Variants in OTOGL observed in about 807,000 individuals in gnomAD.
OTOGL encodes otogelin like, also known as otogelin-like protein.
In OTOGL, 285 loss-of-function variants were observed where a neutral mutation model predicts 318.5. That is an observed-to-expected ratio of 0.89 (90% CI 0.81 to 0.99). The LOEUF (loss-of-function observed/expected upper bound fraction) is 0.99. Ranked by LOEUF, OTOGL falls within the 50% of genes least tolerant of loss-of-function variation. The pLI is 0.00. For missense variants in OTOGL, 2,899 were observed against 2,845.6 expected, an observed-to-expected ratio of 1.02 and a Z score of -0.43; for synonymous variants, 987 against 936.5, an observed-to-expected ratio of 1.05 and a Z score of -0.99.
chr12:80,368,309 G>T lies in OTOGL; in HGVS notation c.6615G>T (p.Ala2205=), dbSNP rs764032652. The T allele has an allele frequency of 6.4e-7, 1 of 1,572,930 alleles. No homozygotes were observed. The highest frequency in any genetic ancestry group is 8.7e-7 in the Non-Finnish European group (1 of 1,153,100). The change falls in exon 55 of 59, where the codon GCG becomes GCT. Residue 2205 remains alanine (A), a splice_region_variant and synonymous_variant. Coordinates refer to ENST00000547103, the MANE Select transcript of OTOGL (RefSeq NM_001378609.3). ...HMENGTSVVY[A]VGSTWHYNCT... ...AAAATGGAACATCAGTTGTATACGC[G>T]GTATGTTTCATGGAGAGTAATGCTC...
chr12:80,113,794 G>T (rs146781033), intron 1 of OTOGL, among the ~76,000 whole-genome samples: 1 of 152,120 alleles, frequency 6.6e-6, no homozygotes, highest in African/African-American at 2.4e-5. Context: ...ATGAATCTGG[G>T]TGCTCCTGTA....
At chr12:80,327,958 CAAAAAAAAAAAA>C (rs397687373) in intron 35 of OTOGL, among the ~76,000 whole-genome samples, 11 of 30,928 alleles carry the variant, frequency 3.6e-4, no homozygotes, top group East Asian at 3.4e-3. Context: ...GACTCTGTCT[CAAAAAAAAAAAA>C]AAAAAAAAAA....
At chr12:80,250,947 T>C (rs1241961980) in intron 11 of OTOGL, among the ~76,000 whole-genome samples, 1 of 152,194 alleles carries the variant, frequency 6.6e-6, no homozygotes, top group Non-Finnish European at 1.5e-5. Context: ...GAAGTGATTA[T>C]AAGAAAATAA....
In OTOGL at chr12:80,377,186, G is replaced by A. The variant is rs1438196427; in HGVS notation, c.6845G>A (p.Cys2282Tyr). 1.2e-6 allele frequency: 2 copies of A among 1,605,812 alleles called. No homozygotes were observed. The highest frequency in any genetic ancestry group is 1.3e-5 in the African/African-American group (1 of 74,688). The change falls in exon 58 of 59, where the codon TGT becomes TAT. Residue 2282 changes from cysteine (C) to tyrosine (Y), a missense_variant. Around this residue, in one of 3 missense-constraint regions of OTOGL, gnomAD observed 289 missense variants for 304.6 expected, o/e 0.95. Transcript: ENST00000547103. ...IIKSVIRKQD[C>Y]MSQSPINVAS... ...AAATCGGTCATAAGGAAACAGGACT[G>A]TATGAGCCAAAGCCCTGTAAGTGGA...
intron 27 of OTOGL, among the ~76,000 whole-genome samples, chr12:80,302,242 C>A (rs1203141527): frequency 6.6e-6 from 1 of 152,200 alleles, no homozygotes; most frequent in Non-Finnish European, 1.5e-5. Context: ...GAACAAATTT[C>A]TCTCTTTTGC....
chr12:80,129,472 C>T (rs1871099859), intron 1 of OTOGL, among the ~76,000 whole-genome samples: 1 of 152,196 alleles, frequency 6.6e-6, no homozygotes, highest in East Asian at 1.9e-4. Context: ...GTCCCAGTCT[C>T]TTTTACAATA....
chr12:80,302,749 C>T lies in OTOGL; in HGVS notation c.3179C>T (p.Thr1060Ile), dbSNP rs1885848987. Residue 1060 changes from threonine (T) to isoleucine (I), a missense_variant, in exon 28 of 59, where the codon ACA becomes ATA. Physicochemically the swap from Thr to Ile is moderately conservative, Grantham distance 89. This residue lies in a region of OTOGL where 2,607 missense variants were observed against 2,524.9 expected (regional missense o/e 1.03). Coordinates refer to ENST00000547103, the MANE Select transcript of OTOGL (RefSeq NM_001378609.3). ...KDITILWDRK[T>I]TIHIKVGPQW... Reference sequence around the variant, plus strand: ...ATCACTATTCTTTGGGATAGGAAGACAACTATTCATATCAAAGTTGGGCCA... The same window carrying T: ...ATCACTATTCTTTGGGATAGGAAGATAACTATTCATATCAAAGTTGGGCCA... The T allele has an allele frequency of 2.6e-6, 4 of 1,531,776 alleles. No homozygotes were observed. The Admixed American group carries it at 7.6e-5, about 29-fold the overall frequency. 94.9% of individuals were successfully genotyped at this position (1,531,776 alleles called of 1,614,324 possible). A position where few individuals can be genotyped will look rare whatever the true frequency, so the allele number is the denominator to read the frequency against.
At chr12:80,130,036 C>CT (rs561168886) in intron 1 of OTOGL, among the ~76,000 whole-genome samples, 2 of 152,126 alleles carry the variant, frequency 1.3e-5, no homozygotes, top group South Asian at 2.1e-4. Flanking sequence ...TTTCTATCTC[C>CT]TTTTTTTTCT....
chr12:80,169,806 T>G (rs1347876832), intron 1 of OTOGL, among the ~76,000 whole-genome samples: 1 of 152,192 alleles, frequency 6.6e-6, no homozygotes, highest in Admixed American at 6.5e-5. Flanking sequence ...TTCTATCACT[T>G]AGCAGGACAC....
chr12:80,242,553 G>C (rs1380803040), intron 11 of OTOGL, among the ~76,000 whole-genome samples: 1 of 151,990 alleles, frequency 6.6e-6, no homozygotes, highest in Non-Finnish European at 1.5e-5. Flanking sequence ...CCTGTATTAG[G>C]GGACTGCATC....
chr12:80,330,013 A>T (rs1275790890), intron 37 of OTOGL, among the ~76,000 whole-genome samples: 1 of 152,178 alleles, frequency 6.6e-6, no homozygotes, highest in African/African-American at 2.4e-5. Context: ...GAGAAGAGGG[A>T]AATATGTTCC....
intron 1 of OTOGL, among the ~76,000 whole-genome samples, chr12:80,206,426 A>T (rs1042085573): frequency 6.6e-6 from 1 of 152,208 alleles, no homozygotes; most frequent in Non-Finnish European, 1.5e-5. Context: ...TGGATGGAAG[A>T]GGAGCAGAGA....
At chr12:80,244,127 A>G (rs1262737492) in intron 11 of OTOGL, among the ~76,000 whole-genome samples, 1 of 151,010 alleles carries the variant, frequency 6.6e-6, no homozygotes, top group Admixed American at 6.6e-5. Flanking sequence ...GATGGTATCT[A>G]AGAAGCTATG....
chr12:80,314,816 G>A (rs892098256), intron 32 of OTOGL, among the ~76,000 whole-genome samples: 5 of 152,052 alleles, frequency 3.3e-5, no homozygotes, highest in African/African-American at 1.2e-4. Flanking sequence ...AGGCCAATTA[G>A]CATATCCATC....
At chr12:80,128,398 G>T (rs981445805) in intron 1 of OTOGL, among the ~76,000 whole-genome samples, 1 of 152,206 alleles carries the variant, frequency 6.6e-6, no homozygotes. Flanking sequence ...CGTTCCTCTG[G>T]AAGTTTTGTC....
At position 80,295,529 on chromosome 12, in the gene OTOGL, C is replaced by G. The variant is rs1396154073; in HGVS notation, c.2929-1298C>G. On this transcript the variant is annotated intron_variant, in intron 26 of 58. Coordinates refer to ENST00000547103, the MANE Select transcript of OTOGL (RefSeq NM_001378609.3). Reference sequence around the variant, plus strand: ...TTCTTACTATGAAAATAAATGCTGACCCATGTGTCTCAAAATGGAAAAGAT... The same window carrying G: ...TTCTTACTATGAAAATAAATGCTGAGCCATGTGTCTCAAAATGGAAAAGAT... Among the ~76,000 whole-genome samples, 46 of 152,144 alleles carry G rather than the reference C, an allele frequency of 3.0e-4. 1 individual carries two copies. The highest frequency in any genetic ancestry group is 1.5e-5 in the Non-Finnish European group (1 of 68,036).
chr12:80,157,025 C>T (rs536524663), intron 1 of OTOGL, among the ~76,000 whole-genome samples: 1 of 152,218 alleles, frequency 6.6e-6, no homozygotes, highest in Non-Finnish European at 1.5e-5. Flanking sequence ...AACTGTTCTC[C>T]ATAGTGGTTG....
rs781664315 is a variant in OTOGL, at chr12:80,372,021, TGAAG to T, written c.6740_6743del (p.Glu2247GlyfsTer3). 1 of 1,548,276 alleles carries T rather than the reference TGAAG, an allele frequency of 6.5e-7. No individual in the cohort carries two copies. The highest frequency in any genetic ancestry group is 8.8e-7 in the Non-Finnish European group (1 of 1,142,718). Reference sequence around the variant, plus strand: ...TTATTGCTTTTTTCTCTTTCTAGAATGAAGGGATTGTGAAGCTTTATAATGAAGG... The same window carrying T: ...TTATTGCTTTTTTCTCTTTCTAGAATGGATTGTGAAGCTTTATAATGAAGG... On this transcript the variant is annotated frameshift_variant, in exon 57 of 59. Coordinates refer to ENST00000547103, the MANE Select transcript of OTOGL (RefSeq NM_001378609.3). LOFTEE classifies it high-confidence loss of function.
At chr12:80,216,953 T>C (rs191440999) in intron 4 of OTOGL, among the ~76,000 whole-genome samples, 2 of 151,404 alleles carry the variant, frequency 1.3e-5, no homozygotes, top group African/African-American at 4.9e-5. Flanking sequence ...ATAATAATAA[T>C]AAAAGAAAAG....
Sources: gnomAD v4.1 joint callset for allele counts (sites outside exome capture counted in the v4.1 genomes callset) on GRCh38, gnomAD v4.1.1 for gene constraint, gnomAD v4.1.1 regional missense constraint, MANE v1.5 for transcripts, NCBI Gene and HGNC (gene_info 2026-07-23, HGNC 2026-07-21) for gene names.